The following GPR158 variants were observed in gnomAD, a reference collection of about 807,000 sequenced individuals.
The protein encoded by GPR158 is G protein-coupled receptor 158, also known as metabotropic glycine receptor.
In GPR158, 30 loss-of-function variants were observed where a neutral mutation model predicts 78.2. The observed-to-expected ratio is 0.38, with a 90% confidence interval of 0.29 to 0.52. The LOEUF (loss-of-function observed/expected upper bound fraction) is 0.52. Ranked by LOEUF, GPR158 falls within the 20% of genes least tolerant of loss-of-function variation. GPR158 has a pLI of 0.83. For synonymous variants in GPR158, 581 were observed against 591.1 expected, an observed-to-expected ratio of 0.98 and a Z score of 0.25; for missense variants, 1,463 against 1,523.5, an observed-to-expected ratio of 0.96 and a Z score of 0.66.
chr10:25,378,192 G>T (rs1338488040), intron 2 of GPR158, among the ~76,000 whole-genome samples: 3 of 152,116 alleles, frequency 2.0e-5, no homozygotes, highest in African/African-American at 7.2e-5. Flanking sequence ...AACAGAGAAT[G>T]ATACGAGCAA....
intron 1 of GPR158, among the ~76,000 whole-genome samples, chr10:25,183,953 C>T (rs1428680443): frequency 2.0e-5 from 3 of 152,196 alleles, no homozygotes; most frequent in South Asian, 4.1e-4. Context: ...ATGTGTCTTA[C>T]AATTGAGGGC....
At chr10:25,450,881 A>G (rs1324740363) in intron 4 of GPR158, among the ~76,000 whole-genome samples, 1 of 152,214 alleles carries the variant, frequency 6.6e-6, no homozygotes, top group African/African-American at 2.4e-5. Context: ...AGAGTTAGAT[A>G]CATGCATGCA....
chr10:25,547,453 G>A (rs916045381), intron 5 of GPR158, among the ~76,000 whole-genome samples: 2 of 152,092 alleles, frequency 1.3e-5, no homozygotes, highest in Admixed American at 6.6e-5. Flanking sequence ...CCCACAATAT[G>A]CTTTTGTCCT....
At chr10:25,250,958 G>A (rs955424290) in intron 2 of GPR158, among the ~76,000 whole-genome samples, 2 of 151,452 alleles carry the variant, frequency 1.3e-5, no homozygotes, top group Non-Finnish European at 2.9e-5. Flanking sequence ...AAGTCTCTTT[G>A]TAGGTCACTC....
chr10:25,496,743 C>T (rs994269415), intron 5 of GPR158, among the ~76,000 whole-genome samples: 3 of 152,294 alleles, frequency 2.0e-5, no homozygotes, highest in African/African-American at 4.8e-5. Flanking sequence ...CCAAAAACAC[C>T]GAGCCAGGCC....
At chr10:25,298,306 T>C (rs1564414649) in intron 2 of GPR158, among the ~76,000 whole-genome samples, 2 of 152,162 alleles carry the variant, frequency 1.3e-5, no homozygotes, top group Admixed American at 1.3e-4. Flanking sequence ...TGACTTTAAA[T>C]AGTGTTACCC....
At chr10:25,540,694 A>G (rs1392606778) in intron 5 of GPR158, among the ~76,000 whole-genome samples, 6 of 151,808 alleles carry the variant, frequency 4.0e-5, no homozygotes, top group Non-Finnish European at 8.8e-5. Flanking sequence ...TCACAAGGAC[A>G]AAAAACCAAA....
chr10:25,423,442 G>T (rs1834781150), intron 4 of GPR158, among the ~76,000 whole-genome samples: 1 of 151,180 alleles, frequency 6.6e-6, no homozygotes, highest in Non-Finnish European at 1.5e-5. Context: ...CAATGTGCAG[G>T]TTTGTTACAT....
At chr10:25,371,981 A>G (rs1010766667) in intron 2 of GPR158, among the ~76,000 whole-genome samples, 1 of 151,512 alleles carries the variant, frequency 6.6e-6, no homozygotes, top group Admixed American at 6.6e-5. Flanking sequence ...AATATCCAGA[A>G]TCTGCAATGA....
intron 5 of GPR158, among the ~76,000 whole-genome samples, chr10:25,471,190 T>C (rs1348275166): frequency 6.7e-6 from 1 of 148,500 alleles, no homozygotes; most frequent in African/African-American, 2.5e-5. Context: ...TTCCCACCTG[T>C]GAGTGAGAAC....
chr10:25,483,046 C>A (rs143408467), intron 5 of GPR158, among the ~76,000 whole-genome samples: 105 of 152,060 alleles, frequency 6.9e-4, no homozygotes, highest in African/African-American at 2.5e-3. Context: ...TGAGTCACCA[C>A]CATTGAGTAT....
chr10:25,369,021 G>C (rs901055634), intron 2 of GPR158, among the ~76,000 whole-genome samples: 2 of 150,948 alleles, frequency 1.3e-5, no homozygotes, highest in Non-Finnish European at 3.0e-5. Context: ...CATTGATTTT[G>C]TATCCTGAGA....
chr10:25,482,747 T>C (rs534709189), intron 5 of GPR158, among the ~76,000 whole-genome samples: 1 of 152,254 alleles, frequency 6.6e-6, no homozygotes, highest in South Asian at 2.1e-4. Context: ...CGTGTATCTA[T>C]TCAAAATCTC....
intron 2 of GPR158, among the ~76,000 whole-genome samples, chr10:25,248,034 T>A (rs1285772181): frequency 2.6e-5 from 4 of 152,038 alleles, no homozygotes; most frequent in Non-Finnish European, 5.9e-5. Context: ...GGTATCTCAT[T>A]GTGGTTTTGA....
At chr10:25,307,810 G>A (rs1213380385) in intron 2 of GPR158, among the ~76,000 whole-genome samples, 1 of 152,060 alleles carries the variant, frequency 6.6e-6, no homozygotes, top group African/African-American at 2.4e-5. Context: ...ATTCTTCTAT[G>A]TTTTGGCTTT....
chr10:25,573,883 A>T (rs144551818), intron 7 of GPR158, among the ~76,000 whole-genome samples: 2 of 151,806 alleles, frequency 1.3e-5, no homozygotes, highest in Non-Finnish European at 2.9e-5. Flanking sequence ...ATAGTGAAGC[A>T]TATGGGTATG....
intron 2 of GPR158, among the ~76,000 whole-genome samples, chr10:25,305,865 T>G (rs1854668695): frequency 6.6e-6 from 1 of 152,146 alleles, no homozygotes; most frequent in South Asian, 2.1e-4. Flanking sequence ...GTAGAAGAGG[T>G]ATTTTAGGAA....
chr10:25,317,937 C>T (rs1854884239), intron 2 of GPR158, among the ~76,000 whole-genome samples: 1 of 152,034 alleles, frequency 6.6e-6, no homozygotes, highest in Admixed American at 6.6e-5. Context: ...CCATTTTGGC[C>T]AGGATGGTCT....
At chr10:25,399,732 TC>T (rs1564444894) in intron 3 of GPR158, among the ~76,000 whole-genome samples, 1 of 152,226 alleles carries the variant, frequency 6.6e-6, no homozygotes, top group Admixed American at 6.5e-5. Flanking sequence ...GCTCTGTAAC[TC>T]ACCGGGGTCA....
Sources: gnomAD v4.1 joint callset for allele counts (sites outside exome capture counted in the v4.1 genomes callset) on GRCh38, gnomAD v4.1.1 for gene constraint, MANE v1.5 for transcripts, NCBI Gene and HGNC (gene_info 2026-07-23, HGNC 2026-07-21) for gene names.